NTN1: variants seen among roughly 807,000 people sequenced by gnomAD.
The protein encoded by NTN1 is netrin 1.
A neutral mutation model predicts 54.2 loss-of-function variants in NTN1; 11 were observed. The observed-to-expected ratio is 0.20, with a 90% CI of 0.13 to 0.34. The LOEUF (loss-of-function observed/expected upper bound fraction) is 0.34, where lower values mean the gene tolerates loss of function less well. Among genes scored for constraint, NTN1 ranks in the 10% least tolerant of loss-of-function variants. The probability of loss-of-function intolerance (pLI) is 1.00; values close to 1 mark genes in which losing one functional copy is unlikely to be tolerated. For synonymous variants in NTN1, 371 were observed against 382.0 expected, an observed-to-expected ratio of 0.97 and a Z score of 0.33; for missense variants, 740 against 893.1, an observed-to-expected ratio of 0.83 and a Z score of 2.18.
chr17:9,182,683 TCTCTC>T (rs1278874149), intron 4 of NTN1, among the ~76,000 whole-genome samples: 1 of 152,082 alleles, frequency 6.6e-6, no homozygotes, highest in African/African-American at 2.4e-5. Context: ...ACTCCTGCCT[TCTCTC>T]CACACCCCCC....
chr17:9,116,650 G>A (rs191992454), intron 2 of NTN1, among the ~76,000 whole-genome samples: 1 of 152,254 alleles, frequency 6.6e-6, no homozygotes, highest in African/African-American at 2.4e-5. Context: ...CATCCATCAC[G>A]TTCTCATTGT....
At chr17:9,092,989 C>A (rs1045510906) in intron 2 of NTN1, among the ~76,000 whole-genome samples, 42 of 152,064 alleles carry the variant, frequency 2.8e-4, no homozygotes, top group Admixed American at 2.0e-3. Flanking sequence ...CGATCTCCTG[C>A]CCTTGTGATC....
intron 2 of NTN1, among the ~76,000 whole-genome samples, chr17:9,073,094 A>T (rs1333429716): frequency 6.6e-6 from 1 of 152,218 alleles, no homozygotes; most frequent in East Asian, 1.9e-4. Context: ...ACGAGCGGAT[A>T]TTGAAAGCAG....
chr17:9,007,426 TCTTTCTTCCCTTCCTTC>T, the NTN1 span, among the ~76,000 whole-genome samples: 136 of 151,302 alleles, frequency 9.0e-4, no homozygotes, highest in Non-Finnish European at 1.7e-3. Context: ...TCTTTCTTTT[TCTTTCTTCCCTTCCTTC>T]CTTTCTTCCC....
chr17:9,163,280 G>A (rs893165354), intron 3 of NTN1, among the ~76,000 whole-genome samples: 12 of 151,484 alleles, frequency 7.9e-5, no homozygotes, highest in Admixed American at 7.9e-4. Context: ...CCCCTACAAG[G>A]GTGCAGGGCT....
intron 2 of NTN1, 32 bp downstream of exon 2, chr17:9,023,423 G>T: frequency 5.2e-6 from 7 of 1,345,188 alleles, no homozygotes; most frequent in Non-Finnish European, 6.6e-6. Context: ...AGCCGGCGGC[G>T]GGTGGGGCCG....
intron 5 of NTN1, among the ~76,000 whole-genome samples, chr17:9,192,430 G>A (rs1597529868): frequency 6.6e-6 from 1 of 152,334 alleles, no homozygotes; most frequent in East Asian, 1.9e-4. Context: ...TGGAAAGACT[G>A]CTGTACAGGA....
chr17:9,131,028 C>T (rs576128801), intron 2 of NTN1, among the ~76,000 whole-genome samples: 1 of 152,264 alleles, frequency 6.6e-6, no homozygotes, highest in African/African-American at 2.4e-5. Flanking sequence ...GTGTGTGTTC[C>T]AGTGATGGCC....
intron 2 of NTN1, among the ~76,000 whole-genome samples, chr17:9,027,201 C>G (rs1168206995): frequency 6.6e-6 from 1 of 152,126 alleles, no homozygotes; most frequent in African/African-American, 2.4e-5. Context: ...CAGAGCCTGG[C>G]ACATAGCTAT....
Position 9,211,553 on chromosome 17 carries a change from G to A in NTN1, c.1412-9615G>A, listed in dbSNP as rs968898701. Among the ~76,000 whole-genome samples, 3 of 152,182 alleles carry A rather than the reference G, an allele frequency of 2.0e-5. No homozygotes were observed. The highest frequency in any genetic ancestry group is 2.9e-5 in the Non-Finnish European group (2 of 68,032). ...TCATGTGGGAAGTGCTTCATCAAAC[G>A]TTCGAATGAATGGATGATAAATTCC... On this transcript the variant is annotated intron_variant, in intron 5 of 6. Transcript: ENST00000173229. The surrounding 1 kb of genome is among the most constrained non-coding windows in gnomAD (Gnocchi z 4.4).
intron 2 of NTN1, among the ~76,000 whole-genome samples, chr17:9,081,931 GT>G (rs1451119434): frequency 6.6e-6 from 1 of 152,212 alleles, no homozygotes; most frequent in African/African-American, 2.4e-5. Context: ...TTTTCTCCGA[GT>G]TTGGGTCTGC....
Position 9,212,685 on chromosome 17 carries a change from G to A in NTN1, c.1412-8483G>A, listed in dbSNP as rs1040522723. Among the ~76,000 whole-genome samples, 1 of 152,166 alleles carries A rather than the reference G, an allele frequency of 6.6e-6. No individual in the cohort carries two copies. The highest frequency in any genetic ancestry group is 2.4e-5 in the African/African-American group (1 of 41,428). On this transcript the variant is annotated intron_variant, in intron 5 of 6. Transcript: ENST00000173229. The surrounding 1 kb of genome is among the most constrained non-coding windows in gnomAD (Gnocchi z 5.5). ...TCTGCAACTTACCCAACCCTTCCAG[G>A]TTTCTCTGCCCGGGGAGGACAGACC... is the stretch of plus-strand genomic sequence containing the variant.
chr17:9,145,755 G>T lies in NTN1; in HGVS notation c.1019-17058G>T, dbSNP rs528100153. ...AACATGGCAAAACCCTGTCTCTACT[G>T]AAAATACAAAAAATTAGCCGGGCGT... On this transcript the variant is annotated intron_variant, in intron 2 of 6. Transcript: ENST00000173229. 4.6e-5 allele frequency among the ~76,000 whole-genome samples: 7 copies of T among 151,992 alleles called. 1 individual carries two copies. The South Asian group carries it at 1.5e-3, about 32-fold the overall frequency.
chr17:9,172,565 T>C (rs1304288057), intron 3 of NTN1, among the ~76,000 whole-genome samples: 1 of 152,152 alleles, frequency 6.6e-6, no homozygotes, highest in Admixed American at 6.5e-5. Context: ...GACTTGAATA[T>C]CAAAGATGTA....
chr17:9,106,519 TCCTTCCTTCCTTTC>T (rs2092167434), intron 2 of NTN1, among the ~76,000 whole-genome samples: 1 of 80,122 alleles, frequency 1.2e-5, no homozygotes, highest in Non-Finnish European at 2.6e-5. Context: ...CTTCCTTCCT[TCCTTCCTTCCTTTC>T]GACAGAGTCT....
At chr17:9,164,989 C>T (rs2092369819) in intron 3 of NTN1, among the ~76,000 whole-genome samples, 1 of 152,070 alleles carries the variant, frequency 6.6e-6, no homozygotes, top group Non-Finnish European at 1.5e-5. Context: ...TTGCCTGTGC[C>T]CAGAGTGTTT....
chr17:9,150,755 G>T lies in NTN1; in HGVS notation c.1019-12058G>T, dbSNP rs1454802172. On this transcript the variant is annotated intron_variant, in intron 2 of 6. Coordinates refer to ENST00000173229, the MANE Select transcript of NTN1 (RefSeq NM_004822.3). ...GGGGAGGCATAGCAGCCAAAAAAGG[G>T]CAGGGAAGAGAAAAGGCTAAGATGT... Among the ~76,000 whole-genome samples the T allele has an allele frequency of 2.0e-5, 3 of 152,142 alleles. No individual in the cohort carries two copies. In the East Asian group the frequency reaches 5.8e-4, roughly 29 times the overall value.
chr17:9,049,190 C>T (rs1006190926), intron 2 of NTN1, among the ~76,000 whole-genome samples: 1 of 152,074 alleles, frequency 6.6e-6, no homozygotes. Flanking sequence ...ACAAAAAGTT[C>T]GTGGTAATAG....
intron 2 of NTN1, among the ~76,000 whole-genome samples, chr17:9,120,396 C>A: frequency 6.6e-6 from 1 of 152,176 alleles, no homozygotes; most frequent in South Asian, 2.1e-4. Context: ...TTCTCTCCCC[C>A]ACGTTAAGGA....
Sources: gnomAD v4.1 joint callset for allele counts (sites outside exome capture counted in the v4.1 genomes callset) on GRCh38, gnomAD v4.1.1 for gene constraint, Gnocchi (gnomAD v3.1) non-coding constraint, MANE v1.5 for transcripts, NCBI Gene and HGNC (gene_info 2026-07-23, HGNC 2026-07-21) for gene names.